The following PTPRN2 variants were observed in gnomAD, a reference collection of about 807,000 sequenced individuals.
PTPRN2 encodes receptor-type tyrosine-protein phosphatase N2.
Under a neutral mutation model 118.8 loss-of-function variants are expected in PTPRN2, and 74 were observed. The observed-to-expected ratio is 0.62, with a 90% confidence interval of 0.52 to 0.76. PTPRN2 has a LOEUF of 0.76. Ranked by LOEUF, PTPRN2 falls within the 30% of genes least tolerant of loss-of-function variation. PTPRN2 has a pLI of 0.00. For synonymous variants in PTPRN2, 641 were observed against 608.0 expected (o/e 1.05, Z -0.80); for missense variants, 1,481 against 1,394.4 (o/e 1.06, Z -0.99).
intron 15 of PTPRN2, among the ~76,000 whole-genome samples, chr7:157,608,023 C>T (rs10229441): frequency 0.027 from 4,133 of 152,244 alleles, 166 homozygotes; most frequent in African/African-American, 0.093. Context: ...ACTTCCTGAT[C>T]GCATATTTGA....
chr7:157,605,797 G>A (rs1280570814), intron 15 of PTPRN2, among the ~76,000 whole-genome samples: 1 of 152,222 alleles, frequency 6.6e-6, no homozygotes, highest in Non-Finnish European at 1.5e-5. Flanking sequence ...GGGCCTCAGA[G>A]GGGAGGAAGT....
intron 11 of PTPRN2, among the ~76,000 whole-genome samples, chr7:157,899,744 T>C (rs1563220771): frequency 6.6e-6 from 1 of 152,314 alleles, no homozygotes; most frequent in South Asian, 2.1e-4. Context: ...CATTGTCTTA[T>C]GGAAAGTTTT....
At chr7:158,274,353 G>GGC in intron 3 of PTPRN2, among the ~76,000 whole-genome samples, 8 of 68,188 alleles carry the variant, frequency 1.2e-4, no homozygotes, top group African/African-American at 2.0e-4. Flanking sequence ...GAGAGCCACA[G>GGC]ACACAGGGGG....
chr7:158,002,466 G>A (rs1455375898), intron 11 of PTPRN2, among the ~76,000 whole-genome samples: 1 of 152,206 alleles, frequency 6.6e-6, no homozygotes, highest in Non-Finnish European at 1.5e-5. Flanking sequence ...CGAATCCCCA[G>A]TACAGTGGAC....
intron 3 of PTPRN2, among the ~76,000 whole-genome samples, chr7:158,235,526 G>A (rs1232210189): frequency 1.3e-5 from 2 of 152,210 alleles, no homozygotes; most frequent in Non-Finnish European, 2.9e-5. Context: ...TCACTCATAT[G>A]TGGGAGCTAA....
chr7:157,992,960 G>GC (rs1804361887), intron 11 of PTPRN2, among the ~76,000 whole-genome samples: 1 of 152,230 alleles, frequency 6.6e-6, no homozygotes, highest in Admixed American at 6.5e-5. Flanking sequence ...CCAGTGGGGA[G>GC]CTGTGGTTTG....
intron 3 of PTPRN2, among the ~76,000 whole-genome samples, chr7:158,260,990 G>C (rs1398277473): frequency 6.6e-6 from 1 of 152,170 alleles, no homozygotes; most frequent in Non-Finnish European, 1.5e-5. Flanking sequence ...TCAGCCCTCA[G>C]AGCCACTTGT....
At chr7:158,243,428 C>G (rs1192389709) in intron 3 of PTPRN2, among the ~76,000 whole-genome samples, 3 of 152,176 alleles carry the variant, frequency 2.0e-5, no homozygotes, top group Admixed American at 6.5e-5. Context: ...GTTTAAAAGT[C>G]TGGTCACTGT....
chr7:157,668,770 G>A (rs554986043), intron 13 of PTPRN2, among the ~76,000 whole-genome samples: 45 of 152,316 alleles, frequency 3.0e-4, no homozygotes, highest in Middle Eastern at 3.4e-3. Context: ...TGCAGGGCAC[G>A]TGACGACAGG....
intron 2 of PTPRN2, among the ~76,000 whole-genome samples, chr7:158,356,288 T>A (rs560273044): frequency 1.2e-4 from 18 of 152,218 alleles, no homozygotes; most frequent in Non-Finnish European, 2.1e-4. Flanking sequence ...ACATGCATTT[T>A]TTATTTATAA....
At chr7:157,848,712 G>A (rs1809058282) in intron 12 of PTPRN2, among the ~76,000 whole-genome samples, 1 of 152,242 alleles carries the variant, frequency 6.6e-6, no homozygotes, top group South Asian at 2.1e-4. Context: ...GTAAGCCAGA[G>A]CTGAAGTGAG....
At chr7:158,568,943 T>G (rs1434372461) in intron 1 of PTPRN2, among the ~76,000 whole-genome samples, 8 of 152,094 alleles carry the variant, frequency 5.3e-5, no homozygotes, top group Non-Finnish European at 1.2e-4. Context: ...CTGGTCAACA[T>G]AGTGAGACCC....
chr7:158,175,301 C>T (rs955847767), intron 5 of PTPRN2, among the ~76,000 whole-genome samples: 1 of 152,218 alleles, frequency 6.6e-6, no homozygotes, highest in Non-Finnish European at 1.5e-5. Context: ...AATGAGCCGG[C>T]ACCGGATGCG....
chr7:157,673,801 G>A (rs960525515), intron 13 of PTPRN2, among the ~76,000 whole-genome samples: 6 of 152,032 alleles, frequency 3.9e-5, no homozygotes, highest in Admixed American at 1.3e-4. Context: ...GGCTCCCCGC[G>A]TTCTCTGAGC....
intron 1 of PTPRN2, among the ~76,000 whole-genome samples, chr7:158,536,183 G>A (rs1351065196): frequency 6.6e-6 from 1 of 152,108 alleles, no homozygotes; most frequent in Non-Finnish European, 1.5e-5. Flanking sequence ...AAGAAGGTCT[G>A]AAATGCCCTT....
intron 3 of PTPRN2, among the ~76,000 whole-genome samples, chr7:158,265,506 G>A (rs1346050610): frequency 6.6e-6 from 1 of 152,120 alleles, no homozygotes; most frequent in East Asian, 1.9e-4. Context: ...CCCACCCACA[G>A]GTGCATATAT....
intron 9 of PTPRN2, among the ~76,000 whole-genome samples, chr7:158,113,488 G>A (rs1300733973): frequency 6.6e-6 from 1 of 152,128 alleles, no homozygotes; most frequent in African/African-American, 2.4e-5. Context: ...GCAGGAGTAG[G>A]ACAATGGTAA....
intron 12 of PTPRN2, among the ~76,000 whole-genome samples, chr7:157,702,122 T>C (rs1030297900): frequency 6.7e-6 from 1 of 148,672 alleles, no homozygotes; most frequent in Non-Finnish European, 1.5e-5. Flanking sequence ...TTGCGGGCTC[T>C]GCCTTTGTGT....
chr7:158,518,107 G>A (rs1823701526), intron 1 of PTPRN2, among the ~76,000 whole-genome samples: 1 of 152,198 alleles, frequency 6.6e-6, no homozygotes, highest in Non-Finnish European at 1.5e-5. Flanking sequence ...CTCCAGGAGG[G>A]CAAGAGTGGG....
Sources: allele counts gnomAD v4.1 joint callset (sites outside exome capture counted in the v4.1 genomes callset), GRCh38; gene constraint gnomAD v4.1.1; transcripts MANE v1.5; gene names NCBI Gene and HGNC (gene_info 2026-07-23, HGNC 2026-07-21).